The following CLDN10 variants were observed in gnomAD, a reference collection of about 807,000 sequenced individuals.
The protein encoded by CLDN10 is claudin 10.
Under a neutral mutation model 22.9 loss-of-function variants are expected in CLDN10, and 15 were observed. The observed-to-expected ratio is 0.65, with a 90% CI of 0.44 to 1.01. The LOEUF (loss-of-function observed/expected upper bound fraction) is 1.01. CLDN10 is among the 50% of genes least tolerant of loss of function. CLDN10 has a pLI of 0.00. For missense variants in CLDN10, 247 were observed against 287.8 expected (o/e 0.86, Z 1.03); for synonymous variants, 114 against 111.4 (o/e 1.02, Z -0.15).
intron 1 of CLDN10, among the ~76,000 whole-genome samples, chr13:95,524,321 C>T (rs559010801): frequency 1.8e-4 from 28 of 152,250 alleles, no homozygotes; most frequent in African/African-American, 6.5e-4. Context: ...TTGAGATATA[C>T]GTCACATAAA....
chr13:95,509,275 T>G (rs1284450592), intron 1 of CLDN10, among the ~76,000 whole-genome samples: 1 of 152,098 alleles, frequency 6.6e-6, no homozygotes, highest in African/African-American at 2.4e-5. Context: ...AAAAGGCAAG[T>G]TTTGGAATAA....
At position 95,469,662 on chromosome 13, in the gene CLDN10, C is replaced by T. The variant is rs117398395; in HGVS notation, c.214+35615C>T. On this transcript the variant is annotated intron_variant, in intron 1 of 4. Coordinates refer to the CLDN10 transcript ENST00000376873. Reference sequence around the variant, plus strand: ...CTCCTTTCCATTGATCTGTGCTGTTCCCTTGCTCTCCTTGTGTAAATGCTG... The same window carrying T: ...CTCCTTTCCATTGATCTGTGCTGTTTCCTTGCTCTCCTTGTGTAAATGCTG... Among the ~76,000 whole-genome samples the T allele has an allele frequency of 4.6e-3, 694 of 152,298 alleles. 2 individuals are homozygous for T. Among genetic ancestry groups the T allele is most frequent in the Middle Eastern group, 0.01 (3 of 294 alleles).
chr13:95,435,006 C>T (rs1204453619), intron 1 of CLDN10, among the ~76,000 whole-genome samples: 1 of 152,104 alleles, frequency 6.6e-6, no homozygotes, highest in Non-Finnish European at 1.5e-5. Context: ...CCTTTGGTTA[C>T]CTGATTTTAT....
intron 1 of CLDN10, among the ~76,000 whole-genome samples, chr13:95,504,446 C>T (rs1273925175): frequency 1.3e-5 from 2 of 152,096 alleles, no homozygotes; most frequent in African/African-American, 2.4e-5. Context: ...GTGGCCTGAT[C>T]TCAGCTCACT....
At chr13:95,441,821 G>A (rs1486056181) in intron 1 of CLDN10, among the ~76,000 whole-genome samples, 1 of 152,154 alleles carries the variant, frequency 6.6e-6, no homozygotes. Context: ...TAATCCCTCT[G>A]AGCTTCAGTG....
intron 1 of CLDN10, among the ~76,000 whole-genome samples, chr13:95,434,426 C>CCT (rs56066236): frequency 4.7e-5 from 7 of 147,584 alleles, no homozygotes; most frequent in African/African-American, 7.5e-5. Context: ...TCCCTCTCTT[C>CCT]CTCTCTCTCT....
chr13:95,484,327 G>A (rs570858345), intron 1 of CLDN10, among the ~76,000 whole-genome samples: 7 of 152,112 alleles, frequency 4.6e-5, no homozygotes, highest in South Asian at 4.2e-4. Context: ...CACACCACTC[G>A]GCTATCATTC....
chr13:95,470,392 T>C (rs1303302768), intron 1 of CLDN10, among the ~76,000 whole-genome samples: 1 of 152,166 alleles, frequency 6.6e-6, no homozygotes, highest in Admixed American at 6.5e-5. Context: ...GAACCATAGG[T>C]GCGCACCATC....
At chr13:95,438,915 G>T (rs2042297182) in intron 1 of CLDN10, among the ~76,000 whole-genome samples, 1 of 145,884 alleles carries the variant, frequency 6.9e-6, no homozygotes, top group South Asian at 2.3e-4. Flanking sequence ...GGAAGCAGAG[G>T]TTGCAGTGAG....
intron 3 of CLDN10, chr13:95,560,816 A>T: frequency 5.0e-6 from 1 of 198,434 alleles, no homozygotes; most frequent in Non-Finnish European, 1.0e-5. Flanking sequence ...GAAAATTAAA[A>T]CCTTGCCTTG....
intron 1 of CLDN10, chr13:95,533,685 A>T (rs1484488251): frequency 6.6e-6 from 1 of 152,180 alleles, no homozygotes; most frequent in Non-Finnish European, 1.5e-5. Flanking sequence ...TCCAAGACTT[A>T]GTTAGATCTT....
At chr13:95,495,301 T>C (rs1322720975) in intron 1 of CLDN10, among the ~76,000 whole-genome samples, 1 of 151,992 alleles carries the variant, frequency 6.6e-6, no homozygotes, top group Non-Finnish European at 1.5e-5. Context: ...CTTCCCAAAG[T>C]GCTGGGATTA....
chr13:95,554,487 G>A (rs1373325334), intron 1 of CLDN10, among the ~76,000 whole-genome samples: 1 of 152,162 alleles, frequency 6.6e-6, no homozygotes, highest in African/African-American at 2.4e-5. Context: ...AGTGGAGGTG[G>A]TACCATACCT....
intron 1 of CLDN10, among the ~76,000 whole-genome samples, chr13:95,435,442 G>T (rs1354736923): frequency 6.6e-6 from 1 of 152,162 alleles, no homozygotes; most frequent in African/African-American, 2.4e-5. Flanking sequence ...GGGATAAAGA[G>T]AGAATACTTA....
At chr13:95,540,227 G>A (rs1216303451) in intron 1 of CLDN10, among the ~76,000 whole-genome samples, 1 of 152,056 alleles carries the variant, frequency 6.6e-6, no homozygotes, top group Non-Finnish European at 1.5e-5. Flanking sequence ...TTGGACCCGG[G>A]AGATGGAGGT....
At chr13:95,574,165 G>A (rs1198481011) in intron 3 of CLDN10, among the ~76,000 whole-genome samples, 2 of 152,112 alleles carry the variant, frequency 1.3e-5, no homozygotes, top group Non-Finnish European at 2.9e-5. Flanking sequence ...ATTGTGAATA[G>A]TGCCGCAATA....
chr13:95,571,204 A>G (rs2043854575), intron 3 of CLDN10, among the ~76,000 whole-genome samples: 2 of 152,086 alleles, frequency 1.3e-5, no homozygotes, highest in South Asian at 4.1e-4. Context: ...TAATATATAC[A>G]ATTTATAGAA....
chr13:95,503,328 A>G (rs2043005476), intron 1 of CLDN10, among the ~76,000 whole-genome samples: 2 of 152,246 alleles, frequency 1.3e-5, no homozygotes, highest in Admixed American at 1.3e-4. Context: ...AGTGGCTAAT[A>G]TTGAGGGTTA....
chr13:95,444,619 C>T (rs949593400), intron 1 of CLDN10, among the ~76,000 whole-genome samples: 27 of 152,220 alleles, frequency 1.8e-4, no homozygotes, highest in East Asian at 1.4e-3. Context: ...GAAAGATGGG[C>T]GAAGTTTCAC....
Sources: gnomAD v4.1 joint callset for allele counts (sites outside exome capture counted in the v4.1 genomes callset) on GRCh38, gnomAD v4.1.1 for gene constraint, MANE v1.5 for transcripts, NCBI Gene and HGNC (gene_info 2026-07-23, HGNC 2026-07-21) for gene names.